Variants in JAK3 observed in about 807,000 individuals in gnomAD.
JAK3 encodes tyrosine-protein kinase JAK3.
Under a neutral mutation model 120.8 loss-of-function variants are expected in JAK3, and 88 were observed. That is an observed-to-expected ratio of 0.73 (90% CI 0.61 to 0.87). The LOEUF is 0.87. Ranked by LOEUF, JAK3 falls within the 40% of genes least tolerant of loss-of-function variation. The pLI, the probability that JAK3 is intolerant of heterozygous loss-of-function variation, is 0.00. For synonymous variants in JAK3, 592 were observed against 628.6 expected, an observed-to-expected ratio of 0.94 and a Z score of 0.87; for missense variants, 1,254 against 1,501.4, an observed-to-expected ratio of 0.84 and a Z score of 2.72.
chr19:17,840,594 G>A (rs1164364617), intron 8 of JAK3, among the ~76,000 whole-genome samples: 6 of 151,576 alleles, frequency 4.0e-5, no homozygotes, highest in Non-Finnish European at 8.8e-5. Flanking sequence ...AAACCCCGTC[G>A]CTACTGAAAA....
At chr19:17,829,842 C>T (rs2094210510) in intron 23 of JAK3, 2 of 580,372 alleles carry the variant, frequency 3.4e-6, no homozygotes, top group Non-Finnish European at 6.2e-6. Flanking sequence ...GAGCTGAGCC[C>T]TCATAGGCAC....
At position 17,838,364 on chromosome 19, in the gene JAK3, T is replaced by C. The variant is rs1221510470; in HGVS notation, c.1468A>G (p.Arg490Gly). The C allele has an allele frequency of 1.9e-6, 3 of 1,614,064 alleles. No individual in the cohort carries two copies. Among genetic ancestry groups the C allele is most frequent in the African/African-American group, 1.3e-5 (1 of 74,988 alleles). ...GATGATGTGGGTGGGCTGTGACCTC[T>C]CTGGACCACGATCAGGTTGGACTTT... ...KEKSNLIVVQ[R>G]GHSPPTSSLV... The change falls in exon 11 of 24, where the codon AGA (arginine) becomes GGA (glycine). Residue 490 changes from arginine to glycine, a missense_variant. This residue lies in a region of JAK3 where 486 missense variants were observed against 503.0 expected (regional missense o/e 0.97). Coordinates refer to ENST00000458235, the MANE Select transcript of JAK3 (RefSeq NM_000215.4).
In JAK3 at chr19:17,832,537, C is replaced by T; in HGVS notation, c.2662G>A (p.Gly888Ser). 1 of 1,614,198 alleles carries T rather than the reference C, an allele frequency of 6.2e-7. No individual in the cohort carries two copies. ...GGCTCACCCGGGCCATAGCTGACACCACGATACTTGACAATGAAATCACTG... is the reference window on the plus strand; with the variant it reads ...GGCTCACCCGGGCCATAGCTGACACTACGATACTTGACAATGAAATCACTG... Reference protein sequence around the residue: ...LHSDFIVKYRGVSYGPGRQSL... With the variant: ...LHSDFIVKYRSVSYGPGRQSL... The change falls in exon 19 of 24, where the codon GGT becomes AGT. Residue 888 changes from glycine to serine, a missense_variant. Gly to Ser is a moderately conservative substitution (Grantham distance 56). Coordinates refer to ENST00000458235, the MANE Select transcript of JAK3 (RefSeq NM_000215.4). The surrounding 1 kb of genome is among the most constrained non-coding windows in gnomAD (Gnocchi z 4.7).
intron 17 of JAK3, among the ~76,000 whole-genome samples, chr19:17,834,304 G>A (rs1481409145): frequency 1.3e-5 from 2 of 151,690 alleles, no homozygotes; most frequent in African/African-American, 2.4e-5. Context: ...GCAGTGAGCC[G>A]AAATTGTGCC....
rs1265333244 is a variant in JAK3, at chr19:17,825,468, C to A, written c.*1275G>T. On this transcript the variant is annotated 3_prime_UTR_variant, in exon 24 of 24. Coordinates refer to ENST00000458235, the MANE Select transcript of JAK3 (RefSeq NM_000215.4). The stretch of plus-strand genomic sequence containing the variant: ...CATTAGGGTGGACTGGGACCCCAGC[C>A]TTTCCTGCCCCCTTTCAGGATCCCA... 3.7e-5 allele frequency: 8 copies of A among 214,020 alleles called. No individual in the cohort carries two copies. Among genetic ancestry groups the A allele is most frequent in the Non-Finnish European group, 7.5e-5 (8 of 106,014 alleles). The allele number at this position is 214,020 out of a possible 1,614,324, so 13.3% of individuals were successfully genotyped here.
At chr19:17,829,495 C>T (rs925934790) in intron 23 of JAK3, among the ~76,000 whole-genome samples, 3 of 151,202 alleles carry the variant, frequency 2.0e-5, no homozygotes, top group Non-Finnish European at 4.4e-5. Context: ...TGGTGATGTA[C>T]ACCTATAGTC....
At chr19:17,828,241 TTTGTTTTGTTTTG>T (rs2094207819) in intron 23 of JAK3, among the ~76,000 whole-genome samples, 1 of 130,566 alleles carries the variant, frequency 7.7e-6, no homozygotes, top group South Asian at 2.2e-4. Context: ...TTTGTTTTGT[TTTGTTTTGTTTTG>T]TTTTGTTTTG....
rs550992789 is a variant in JAK3 at position 17,826,584 on chromosome 19, T to C, written c.*159A>G. The C allele has an allele frequency of 7.6e-6, 6 of 791,176 alleles. No homozygotes were observed. The African/African-American group carries it at 8.5e-5, about 11-fold the overall frequency. The allele number at this position is 791,176 out of a possible 1,614,324, so 49.0% of individuals were successfully genotyped here. ...ACAAATTGCAAAGGCCACAGGCTATTCTACAGGCCACGGGAGCCCCCCCAA... is the reference window on the plus strand; with the variant it reads ...ACAAATTGCAAAGGCCACAGGCTATCCTACAGGCCACGGGAGCCCCCCCAA... On this transcript the variant is annotated 3_prime_UTR_variant, in exon 24 of 24. Transcript: ENST00000458235.
intron 17 of JAK3, among the ~76,000 whole-genome samples, chr19:17,833,540 C>T (rs1255490681): frequency 1.2e-5 from 1 of 82,066 alleles, no homozygotes; most frequent in South Asian, 4.5e-4. Flanking sequence ...AACCCCATCA[C>T]AGAAAAAAAA....
rs2147675875 is a variant in JAK3, at chr19:17,831,328, C to T, written c.2878G>A (p.Glu960Lys). The change falls in exon 21 of 24, where the codon GAG (glutamate) becomes AAG (lysine). Residue 960 changes from glutamate to lysine, a missense_variant. Coordinates refer to ENST00000458235, the MANE Select transcript of JAK3 (RefSeq NM_000215.4). The surrounding 1 kb of genome is among the most constrained non-coding windows in gnomAD (Gnocchi z 5.1). ...AAGTCAGCGATCTTGACGTGTGCCT[C>T]GCTCTCCACGAGGATGTTTCGGGCG... The part of the protein sequence containing the change: ...LAARNILVES[E>K]AHVKIADFGL... 2 of 1,612,012 alleles carry T rather than the reference C, an allele frequency of 1.2e-6. No homozygotes were observed. Among genetic ancestry groups the T allele is most frequent in the Non-Finnish European group, 1.7e-6 (2 of 1,179,836 alleles).
At position 17,832,715 on chromosome 19, in the gene JAK3, G is replaced by T; in HGVS notation, c.2491-7C>A. The T allele has an allele frequency of 1.2e-6, 2 of 1,614,232 alleles. No individual in the cohort carries two copies. The highest frequency in any genetic ancestry group is 2.2e-5 in the East Asian group (1 of 44,886). On this transcript the variant is annotated splice_polypyrimidine_tract_variant and splice_region_variant and intron_variant, in intron 18 of 23. Transcript: ENST00000458235. This position sits in a 1 kb window ranked among gnomAD's most constrained non-coding sequence, Gnocchi z 4.7. ...CCACGCTGCCAAAGTTGCCCTGGGG[G>T]ATAGCGGGACTGATGTCCAGGCACC...
At chr19:17,836,814 T>A (rs889217271) in intron 13 of JAK3, 4 of 485,096 alleles carry the variant, frequency 8.2e-6, no homozygotes, top group African/African-American at 7.7e-5. Context: ...TCCCAGCTCC[T>A]GGCCCATCCT....
At position 17,832,511 on chromosome 19, in the gene JAK3, TG is replaced by T. The variant is rs2094216172; in HGVS notation, c.2680+7del. On this transcript the variant is annotated splice_region_variant and intron_variant, in intron 19 of 23. Transcript: ENST00000458235. This position sits in a 1 kb window ranked among gnomAD's most constrained non-coding sequence, Gnocchi z 4.7. ...CGTCTTGGTTCACTCATCCGGGAGC[TG>T]GCTCACCCGGGCCATAGCTGACACC... The T allele has an allele frequency of 6.2e-7, 1 of 1,613,918 alleles. No individual in the cohort carries two copies. Among genetic ancestry groups the T allele is most frequent in the Non-Finnish European group, 8.5e-7 (1 of 1,179,922 alleles).
Position 17,831,914 on chromosome 19 carries a change from A to C in JAK3, c.2681-116T>G. The C allele has an allele frequency of 8.0e-7, 1 of 1,254,380 alleles. No individual in the cohort carries two copies. The highest frequency in any genetic ancestry group is 1.1e-6 in the Non-Finnish European group (1 of 871,512). 77.7% of individuals were successfully genotyped at this position (1,254,380 alleles called of 1,614,324 possible). A position where few individuals can be genotyped will look rare whatever the true frequency, so the allele number is the denominator to read the frequency against. ...CGACCTCAGTTTTGCTGACTGTAAT[A>C]TGGGAACCGCAACAATGACACATTG... On this transcript the variant is annotated intron_variant, in intron 19 of 23. Coordinates refer to ENST00000458235, the MANE Select transcript of JAK3 (RefSeq NM_000215.4). This position sits in a 1 kb window ranked among gnomAD's most constrained non-coding sequence, Gnocchi z 5.1.
intron 9 of JAK3, 80 bp from the exon 10 acceptor site, chr19:17,839,743 T>TC (rs202225686): frequency 4.3e-4 from 474 of 1,109,164 alleles, no homozygotes; most frequent in Non-Finnish European, 5.0e-4. Flanking sequence ...TTTTTCTTTT[T>TC]TTTTTTTTTT....
chr19:17,830,772 G>A lies in JAK3; in HGVS notation c.2979-152C>T, dbSNP rs1209431755. 5.9e-6 allele frequency: 4 copies of A among 672,322 alleles called. No individual in the cohort carries two copies. In the East Asian group the frequency reaches 8.2e-5, roughly 14 times the overall value. 41.6% of individuals were successfully genotyped at this position (672,322 alleles called of 1,614,324 possible). A position where few individuals can be genotyped will look rare whatever the true frequency, so the allele number is the denominator to read the frequency against. ...CTCGGTTTCCCTGGCTGTGGGATAGGTGGATTCTCCAGCCCTGGGAGGTGC... is the reference window on the plus strand; with the variant it reads ...CTCGGTTTCCCTGGCTGTGGGATAGATGGATTCTCCAGCCCTGGGAGGTGC... On this transcript the variant is annotated intron_variant, in intron 21 of 23. Coordinates refer to ENST00000458235, the MANE Select transcript of JAK3 (RefSeq NM_000215.4).
At chr19:17,839,065 G>A in intron 10 of JAK3, 1 of 356,134 alleles carries the variant, frequency 2.8e-6, no homozygotes, top group South Asian at 2.1e-5. Flanking sequence ...ATAGGGATTT[G>A]GGATGAGCGA....
rs1364385330 is a variant in JAK3 at position 17,839,609 on chromosome 19, T to G, written c.1309A>C (p.Thr437Pro). ...CGGCTGAGGCCAACCAGAAGGAAGG[T>G]TCCTGTGGGGCTGCGCCGGATGAGG... ...GCLIRRSPTG[T>P]FLLVGLSRPH... The change falls in exon 10 of 24, where the codon ACC becomes CCC. Residue 437 changes from threonine (T) to proline (P), a missense_variant. By Grantham distance (38) the Thr-to-Pro change is conservative. Coordinates refer to ENST00000458235, the MANE Select transcript of JAK3 (RefSeq NM_000215.4). 1 of 1,612,620 alleles carries G rather than the reference T, an allele frequency of 6.2e-7. No homozygotes were observed. The highest frequency in any genetic ancestry group is 1.1e-5 in the South Asian group (1 of 90,512).
At position 17,837,128 on chromosome 19, in the gene JAK3, C is replaced by G; in HGVS notation, c.1786+1G>C. Reference sequence around the variant, plus strand: ...GGGGTGGGTGGGTGGGGGGCTCTCACTGTCTCCAGCCATGCACACGCCGTG... The same window carrying G: ...GGGGTGGGTGGGTGGGGGGCTCTCAGTGTCTCCAGCCATGCACACGCCGTG... On this transcript the variant is annotated splice_donor_variant, in intron 13 of 23. Coordinates refer to ENST00000458235, the MANE Select transcript of JAK3 (RefSeq NM_000215.4). LOFTEE classifies it high-confidence loss of function. The G allele has an allele frequency of 1.3e-6, 2 of 1,548,928 alleles. No individual in the cohort carries two copies. Among genetic ancestry groups the G allele is most frequent in the South Asian group, 2.4e-5 (2 of 83,992 alleles).
Sources: gnomAD v4.1 joint callset for allele counts (sites outside exome capture counted in the v4.1 genomes callset) on GRCh38, gnomAD v4.1.1 for gene constraint, gnomAD v4.1.1 regional missense constraint, Gnocchi (gnomAD v3.1) non-coding constraint, MANE v1.5 for transcripts, NCBI Gene and HGNC (gene_info 2026-07-23, HGNC 2026-07-21) for gene names.